The following LARP1B variants were observed in gnomAD, a reference collection of about 807,000 sequenced individuals.
LARP1B encodes La ribonucleoprotein 1B.
A neutral mutation model predicts 114.2 loss-of-function variants in LARP1B; 76 were observed. The observed-to-expected ratio is 0.67, with a 90% CI of 0.55 to 0.81. LARP1B has a LOEUF of 0.81. LARP1B is among the 30% of genes least tolerant of loss of function. The pLI is 0.00. For missense variants in LARP1B, 1,014 were observed against 1,075.8 expected (o/e 0.94, Z 0.80); for synonymous variants, 345 against 348.0 (o/e 0.99, Z 0.10).
At chr4:128,174,964 A>T (rs941087811) in intron 12 of LARP1B, among the ~76,000 whole-genome samples, 5 of 152,118 alleles carry the variant, frequency 3.3e-5, no homozygotes, top group African/African-American at 1.2e-4. Flanking sequence ...TTGAACTAGG[A>T]TGAAACAAGA....
At chr4:128,131,045 CAG>C (rs1197964121) in intron 11 of LARP1B, among the ~76,000 whole-genome samples, 2 of 152,186 alleles carry the variant, frequency 1.3e-5, no homozygotes, top group Admixed American at 6.5e-5. Context: ...GATGAATGGA[CAG>C]AGCACAGGTT....
At position 128,063,779 on chromosome 4, in the gene LARP1B, C is replaced by CA. The variant is rs967092010; in HGVS notation, c.-78+2387dup. 2.6e-3 allele frequency among the ~76,000 whole-genome samples: 377 copies of CA among 147,568 alleles called. 2 individuals are homozygous for CA. Among genetic ancestry groups the CA allele is most frequent in the African/African-American group, 6.1e-3 (244 of 40,102 alleles). ...GGGCAACAGGAGCGAAACTCCGTCT[C>CA]AAAAAAAAACACAAAAAAACAAAAC... On this transcript the variant is annotated intron_variant, in intron 1 of 19. Transcript: ENST00000326639.
intron 8 of LARP1B, among the ~76,000 whole-genome samples, chr4:128,100,990 G>C (rs750045549): frequency 6.7e-6 from 1 of 149,562 alleles, no homozygotes; most frequent in Non-Finnish European, 1.5e-5. Flanking sequence ...GCTAATTTTT[G>C]TATTTTTTAG....
At chr4:128,126,325 G>C (rs539583516) in intron 11 of LARP1B, among the ~76,000 whole-genome samples, 1 of 151,896 alleles carries the variant, frequency 6.6e-6, no homozygotes, top group East Asian at 1.9e-4. Context: ...GTTTCACCAC[G>C]TTGGCCAGGC....
chr4:128,099,237 A>G (rs947791493), intron 8 of LARP1B, among the ~76,000 whole-genome samples: 4 of 149,758 alleles, frequency 2.7e-5, no homozygotes, highest in Non-Finnish European at 1.5e-5. Context: ...TTCTTTCCCT[A>G]CACACAACCC....
At chr4:128,204,732 A>G (rs1757077194) in intron 17 of LARP1B, among the ~76,000 whole-genome samples, 2 of 152,228 alleles carry the variant, frequency 1.3e-5, no homozygotes, top group South Asian at 2.1e-4. Context: ...TTGTAACTCA[A>G]AGGATAAATG....
intron 8 of LARP1B, among the ~76,000 whole-genome samples, chr4:128,105,917 A>G (rs1482603327): frequency 6.6e-6 from 1 of 152,220 alleles, no homozygotes; most frequent in African/African-American, 2.4e-5. Flanking sequence ...AATAATAAAA[A>G]AAGAAATGCC....
intron 8 of LARP1B, among the ~76,000 whole-genome samples, chr4:128,100,824 G>GTTTTTT (rs1780072331): frequency 3.0e-5 from 4 of 131,670 alleles, no homozygotes; most frequent in Admixed American, 7.6e-5. Context: ...TTTGTTTTTT[G>GTTTTTT]TTTTTGTTTT....
At chr4:128,201,252 A>T (rs912881586) in intron 17 of LARP1B, among the ~76,000 whole-genome samples, 1 of 152,210 alleles carries the variant, frequency 6.6e-6, no homozygotes, top group South Asian at 2.1e-4. Context: ...GTCCTGGTAC[A>T]GTATAGGAGG....
At chr4:128,121,381 G>A (rs1393500676) in intron 10 of LARP1B, among the ~76,000 whole-genome samples, 1 of 152,088 alleles carries the variant, frequency 6.6e-6, no homozygotes, top group East Asian at 1.9e-4. Context: ...GCAATGGCGC[G>A]ATCTTGGCTC....
intron 11 of LARP1B, among the ~76,000 whole-genome samples, chr4:128,150,852 G>A (rs1018131295): frequency 3.3e-5 from 5 of 152,204 alleles, no homozygotes; most frequent in African/African-American, 1.2e-4. Flanking sequence ...GAAAGTTGAA[G>A]CACCAAGGGT....
intron 11 of LARP1B, among the ~76,000 whole-genome samples, chr4:128,153,446 C>T (rs1415519318): frequency 6.6e-6 from 1 of 152,108 alleles, no homozygotes; most frequent in Non-Finnish European, 1.5e-5. Context: ...CCACGGACTA[C>T]AGGCGTGCAC....
rs1345999761 is a variant in LARP1B, at chr4:128,209,953, C to T, written c.2645C>T (p.Pro882Leu). The T allele has an allele frequency of 1.2e-6, 2 of 1,613,872 alleles. No individual in the cohort carries two copies. The highest frequency in any genetic ancestry group is 1.7e-6 in the Non-Finnish European group (2 of 1,179,836). ...CTTCCACCTAATTCCTCTACAAAGC[C>T]ACCAAATGCTGCTAAACCTACATCT... ...HRLPPNSSTK[P>L]PNAAKPTSTS... The change falls in exon 20 of 20, where the codon CCA becomes CTA. Residue 882 changes from proline to leucine, a missense_variant. By Grantham distance (98) the Pro-to-Leu change is moderately conservative. Transcript: ENST00000326639.
chr4:128,144,141 T>A (rs1371103450), intron 11 of LARP1B, among the ~76,000 whole-genome samples: 1 of 152,168 alleles, frequency 6.6e-6, no homozygotes, highest in East Asian at 1.9e-4. Flanking sequence ...ATGAAAAATG[T>A]ATGGTGGAGG....
chr4:128,174,871 G>A (rs763395737), intron 12 of LARP1B, among the ~76,000 whole-genome samples: 5 of 151,998 alleles, frequency 3.3e-5, no homozygotes, highest in Admixed American at 1.3e-4. Flanking sequence ...AACAAAAATA[G>A]CAATAATTTG....
At chr4:128,148,846 C>T (rs1321129111) in intron 11 of LARP1B, among the ~76,000 whole-genome samples, 11 of 152,070 alleles carry the variant, frequency 7.2e-5, no homozygotes, top group East Asian at 1.9e-4. Context: ...TGGCTGGTCT[C>T]GAAGTCCTGA....
At chr4:128,203,300 T>C (rs967503928) in intron 17 of LARP1B, among the ~76,000 whole-genome samples, 13 of 152,100 alleles carry the variant, frequency 8.5e-5, no homozygotes, top group South Asian at 2.1e-4. Context: ...TAGTAAGTGC[T>C]TGACAAATGA....
At chr4:128,061,528 G>T (rs996984531) in intron 1 of LARP1B, 127 bp downstream of exon 1, 4 of 269,086 alleles carry the variant, frequency 1.5e-5, no homozygotes, top group African/African-American at 6.9e-5. Flanking sequence ...GCGTCACGCC[G>T]GGCGCTGCGC....
chr4:128,194,137 A>G (rs1057313872), intron 15 of LARP1B, among the ~76,000 whole-genome samples: 2 of 151,742 alleles, frequency 1.3e-5, no homozygotes, highest in Non-Finnish European at 2.9e-5. Context: ...CAATGGCACG[A>G]TCTCAGCTCA....
Sources: gnomAD v4.1 joint callset for allele counts (sites outside exome capture counted in the v4.1 genomes callset) on GRCh38, gnomAD v4.1.1 for gene constraint, MANE v1.5 for transcripts, NCBI Gene and HGNC (gene_info 2026-07-23, HGNC 2026-07-21) for gene names.